PGD: variants seen among roughly 807,000 people sequenced by gnomAD.
PGD encodes the protein 6-phosphogluconate dehydrogenase, decarboxylating.
Under a neutral mutation model 60.4 loss-of-function variants are expected in PGD, and 21 were observed. The ratio of observed to expected loss-of-function variants is 0.35; its 90% CI spans 0.25 to 0.50. The LOEUF (loss-of-function observed/expected upper bound fraction) is 0.50, where lower values mean the gene tolerates loss of function less well. Ranked by LOEUF, PGD falls within the 20% of genes least tolerant of loss-of-function variation. The pLI, the probability that PGD is intolerant of heterozygous loss-of-function variation, is 0.98. For missense variants in PGD, 477 were observed against 613.1 expected (o/e 0.78, Z 2.34); for synonymous variants, 230 against 235.9 (o/e 0.97, Z 0.23).
chr1:10,399,269 G>A, intron 1 of PGD, 144 bp downstream of exon 1: 1 of 955,964 alleles, frequency 1.0e-6, no homozygotes, highest in Non-Finnish European at 1.6e-6. Context: ...CTGGCCCTAC[G>A]GCGTCTCGGG....
intron 5 of PGD, among the ~76,000 whole-genome samples, chr1:10,406,739 G>A (rs1639411868): frequency 6.6e-6 from 1 of 152,186 alleles, no homozygotes; most frequent in African/African-American, 2.4e-5. Flanking sequence ...AAAGTCTCAA[G>A]AGTAATATAT....
intron 5 of PGD, among the ~76,000 whole-genome samples, chr1:10,405,851 A>T (rs964518041): frequency 6.6e-6 from 1 of 151,962 alleles, no homozygotes; most frequent in Non-Finnish European, 1.5e-5. Flanking sequence ...AAAAGAAAAA[A>T]TGATTCTTTT....
intron 3 of PGD, 141 bp from the exon 4 acceptor site, chr1:10,402,930 T>C: frequency 4.6e-6 from 3 of 654,768 alleles, no homozygotes; most frequent in Non-Finnish European, 8.4e-6. Context: ...GTGAGCCATG[T>C]TCGCACTCCT....
In PGD at chr1:10,399,107, T is replaced by C. The variant is rs1639262939; in HGVS notation, c.-11T>C. On this transcript the variant is annotated 5_prime_UTR_variant, in exon 1 of 13. Transcript: ENST00000270776. ...GCGTCGCCGCTCTTCGGTTCTGCTC[T>C]GTCCGCCGCCATGGCCCAGTGAGTG... 1.2e-6 allele frequency: 2 copies of C among 1,609,682 alleles called. No homozygotes were observed. Among genetic ancestry groups the C allele is most frequent in the Non-Finnish European group, 1.7e-6 (2 of 1,179,700 alleles).
chr1:10,405,426 A>ACACACACACACG (rs1553173895), intron 5 of PGD, among the ~76,000 whole-genome samples: 1 of 91,366 alleles, frequency 1.1e-5, no homozygotes, highest in Non-Finnish European at 2.8e-5. Context: ...ACACACACAC[A>ACACACACACACG]TATATATAAA....
chr1:10,417,201 GC>G (rs1323935064), intron 9 of PGD, 84 bp downstream of exon 9: 1 of 1,515,014 alleles, frequency 6.6e-7, no homozygotes, highest in African/African-American at 1.4e-5. Context: ...AACACTCGAG[GC>G]CACAGGATGG....
At chr1:10,419,153 G>A (rs1019084766) in intron 11 of PGD, among the ~76,000 whole-genome samples, 1 of 151,306 alleles carries the variant, frequency 6.6e-6, no homozygotes, top group Non-Finnish European at 1.5e-5. Flanking sequence ...GGGACTACAG[G>A]TGTGCCAACA....
In PGD at chr1:10,419,616, C is replaced by T. The variant is rs1639656234; in HGVS notation, c.1333-14C>T. ...CATGGACTGTCCTGACCAACCTACT[C>T]TCTCGTTTCCTAGGCTCAGCGGGAT... On this transcript the variant is annotated splice_polypyrimidine_tract_variant and intron_variant, in intron 12 of 12. Transcript: ENST00000270776. 3 of 1,614,028 alleles carry T rather than the reference C, an allele frequency of 1.9e-6. No homozygotes were observed. The highest frequency in any genetic ancestry group is 1.3e-5 in the African/African-American group (1 of 74,950).
intron 1 of PGD, 30 bp downstream of exon 1, chr1:10,399,155 C>T (rs768428211): frequency 3.7e-6 from 6 of 1,606,710 alleles, no homozygotes; most frequent in East Asian, 2.2e-5. Context: ...CAGCCCGGCT[C>T]GGCCTCAGCG....
chr1:10,399,782 A>C, intron 2 of PGD, 78 bp downstream of exon 2: 1 of 1,229,826 alleles, frequency 8.1e-7, no homozygotes, highest in Non-Finnish European at 1.2e-6. Flanking sequence ...TTGGGAGCTT[A>C]CGGGTCTCCT....
At position 10,417,130 on chromosome 1, in the gene PGD, C is replaced by A; in HGVS notation, c.975+13C>A. 1 of 1,613,562 alleles carries A rather than the reference C, an allele frequency of 6.2e-7. No individual in the cohort carries two copies. Among genetic ancestry groups the A allele is most frequent in the South Asian group, 1.1e-5 (1 of 90,936 alleles). ...GGACATTCGGAAGGTGGGACACAGT[C>A]CCTGGCAGTGGTCTTTGTTGGTCCT... On this transcript the variant is annotated intron_variant, in intron 9 of 12. Coordinates refer to ENST00000270776, the MANE Select transcript of PGD (RefSeq NM_002631.4).
At chr1:10,417,879 C>G (rs530208634) in intron 10 of PGD, among the ~76,000 whole-genome samples, 21 of 152,210 alleles carry the variant, frequency 1.4e-4, no homozygotes, top group African/African-American at 4.8e-4. Context: ...CCGGCTAATT[C>G]TTTTGTATTT....
At position 10,411,429 on chromosome 1, in the gene PGD, G is replaced by A; in HGVS notation, c.531G>A (p.Glu177=). 3.7e-6 allele frequency: 6 copies of A among 1,613,330 alleles called. No homozygotes were observed. The highest frequency in any genetic ancestry group is 5.1e-6 in the Non-Finnish European group (6 of 1,179,902). ...TGTTGTCCTGACAGGTGGGAGATGA[G>A]GGAGCAGGCCACTTCGTGAAGATGG... ...GEPCCDWVGD[E]GAGHFVKMVH... The change falls in exon 7 of 13, where the codon GAG becomes GAA. Residue 177 remains glutamate (E), a synonymous_variant. Transcript: ENST00000270776.
At chr1:10,406,364 A>T (rs1211386240) in intron 5 of PGD, among the ~76,000 whole-genome samples, 12 of 152,026 alleles carry the variant, frequency 7.9e-5, no homozygotes, top group Non-Finnish European at 1.0e-4. Context: ...AGCCTGGACA[A>T]CATAGCAAGA....
rs1569987279 is a variant in PGD, at chr1:10,413,175, C to T, written c.768C>T (p.Asp256=). ...AACACCTGCTGCCAAAGATCAGGGA[C>T]AGCGCGGGGCAGAAGGGCACAGGGA... ...DGKHLLPKIR[D]SAGQKGTGKW... Residue 256 remains aspartate (D), a synonymous_variant, in exon 8 of 13, where the codon GAC becomes GAT. Transcript: ENST00000270776. The T allele has an allele frequency of 6.2e-7, 1 of 1,614,206 alleles. No individual in the cohort carries two copies. Among genetic ancestry groups the T allele is most frequent in the Non-Finnish European group, 8.5e-7 (1 of 1,180,020 alleles).
Position 10,411,488 on chromosome 1 carries a change from T to A in PGD, c.590T>A (p.Leu197Gln). Residue 197 changes from leucine (L) to glutamine (Q), a missense_variant, in exon 7 of 13, where the codon CTG becomes CAG. Transcript: ENST00000270776. ...GGGATAGAGTATGGGGACATGCAGC[T>A]GATCTGTGAGGCATACCACCTGATG... ...HNGIEYGDMQ[L>Q]ICEAYHLMKD... The A allele has an allele frequency of 6.2e-7, 1 of 1,614,136 alleles. No homozygotes were observed. Among genetic ancestry groups the A allele is most frequent in the Non-Finnish European group, 8.5e-7 (1 of 1,180,022 alleles).
At position 10,417,126 on chromosome 1, in the gene PGD, C is replaced by G. The variant is rs778433038; in HGVS notation, c.975+9C>G. On this transcript the variant is annotated intron_variant, in intron 9 of 12. Transcript: ENST00000270776. ...TGGAGGACATTCGGAAGGTGGGACA[C>G]AGTCCCTGGCAGTGGTCTTTGTTGG... 1 of 1,613,620 alleles carries G rather than the reference C, an allele frequency of 6.2e-7. No individual in the cohort carries two copies. Among genetic ancestry groups the G allele is most frequent in the Non-Finnish European group, 8.5e-7 (1 of 1,179,702 alleles).
chr1:10,410,085 A>C (rs1639474977), intron 6 of PGD, among the ~76,000 whole-genome samples: 1 of 152,118 alleles, frequency 6.6e-6, no homozygotes, highest in Non-Finnish European at 1.5e-5. Context: ...GGTAAGGTGA[A>C]GTAAGATGTT....
chr1:10,418,498 C>G (rs377438854), intron 10 of PGD, among the ~76,000 whole-genome samples: 2 of 152,070 alleles, frequency 1.3e-5, no homozygotes, highest in Non-Finnish European at 2.9e-5. Context: ...TGCATTTGGC[C>G]GGGCGCGGTG....
Sources: gnomAD v4.1 joint callset for allele counts (sites outside exome capture counted in the v4.1 genomes callset) on GRCh38, gnomAD v4.1.1 for gene constraint, MANE v1.5 for transcripts, NCBI Gene and HGNC (gene_info 2026-07-23, HGNC 2026-07-21) for gene names.